The following BACH2 variants were observed in gnomAD, a reference collection of about 807,000 sequenced individuals.
BACH2 encodes BACH transcriptional regulator 2.
BACH2 carries 5 observed loss-of-function variants against 61.8 expected under a neutral mutation model. That is an observed-to-expected ratio of 0.08 (90% CI 0.04 to 0.17). BACH2 has a LOEUF of 0.17. BACH2 is among the 10% of genes least tolerant of loss of function. BACH2 has a pLI of 1.00. For missense variants in BACH2, 824 were observed against 1,091.1 expected (o/e 0.76, Z 3.45); for synonymous variants, 446 against 440.1 (o/e 1.01, Z -0.17).
intron 6 of BACH2, among the ~76,000 whole-genome samples, chr6:89,976,244 C>T (rs1048686616): frequency 5.9e-5 from 9 of 152,120 alleles, no homozygotes; most frequent in Admixed American, 2.0e-4. Flanking sequence ...TACGCAAGAG[C>T]GTGAAGCCGG....
At chr6:90,286,126 T>A (rs2127889334) in intron 1 of BACH2, among the ~76,000 whole-genome samples, 1 of 152,364 alleles carries the variant, frequency 6.6e-6, no homozygotes, top group East Asian at 1.9e-4. Flanking sequence ...CTGGTTTTAA[T>A]TTTAACTAGA....
chr6:90,164,785 G>A (rs946969307), intron 4 of BACH2, among the ~76,000 whole-genome samples: 12 of 152,106 alleles, frequency 7.9e-5, no homozygotes, highest in South Asian at 4.1e-4. Flanking sequence ...ACATAATCCA[G>A]CATATAAACA....
chr6:89,954,252 G>T (rs1251328801), intron 6 of BACH2, among the ~76,000 whole-genome samples: 2 of 151,940 alleles, frequency 1.3e-5, no homozygotes, highest in East Asian at 3.9e-4. Flanking sequence ...TATGGGAAAT[G>T]TAGGAAACTA....
chr6:89,957,287 A>G (rs755279720), intron 6 of BACH2, among the ~76,000 whole-genome samples: 4 of 152,348 alleles, frequency 2.6e-5, no homozygotes, highest in Middle Eastern at 3.4e-3. Context: ...TCATATCCAC[A>G]TTATCACATT....
intron 7 of BACH2, among the ~76,000 whole-genome samples, chr6:89,942,023 T>C (rs1179633762): frequency 7.2e-6 from 1 of 138,058 alleles, no homozygotes; most frequent in Non-Finnish European, 1.5e-5. Flanking sequence ...ATCTGCTTTT[T>C]AAAGAGGGTC....
intron 4 of BACH2, among the ~76,000 whole-genome samples, chr6:90,144,220 T>G (rs920499716): frequency 6.6e-6 from 1 of 152,208 alleles, no homozygotes; most frequent in Admixed American, 6.5e-5. Flanking sequence ...GAAAACCACA[T>G]CTGTTAATTG....
chr6:90,218,397 T>A (rs1253276937), intron 3 of BACH2, among the ~76,000 whole-genome samples: 3 of 152,124 alleles, frequency 2.0e-5, no homozygotes, highest in Non-Finnish European at 4.4e-5. Context: ...CATTCCTCAG[T>A]CTAGCTGCCT....
At chr6:90,136,467 A>T (rs549069264) in intron 4 of BACH2, among the ~76,000 whole-genome samples, 5 of 152,148 alleles carry the variant, frequency 3.3e-5, no homozygotes, top group African/African-American at 9.7e-5. Context: ...TTATTACCTC[A>T]TATGTTTATT....
intron 4 of BACH2, among the ~76,000 whole-genome samples, chr6:90,151,710 A>T (rs1784818476): frequency 6.6e-6 from 1 of 152,256 alleles, no homozygotes; most frequent in Non-Finnish European, 1.5e-5. Flanking sequence ...CATCTTGCAG[A>T]CACAGTGGAC....
chr6:90,084,036 C>G (rs1005227372), intron 5 of BACH2, among the ~76,000 whole-genome samples: 2 of 141,516 alleles, frequency 1.4e-5, no homozygotes, highest in African/African-American at 5.2e-5. Flanking sequence ...AAAACCAAAG[C>G]TATCTTGTTT....
chr6:89,975,894 A>G (rs528010229), intron 6 of BACH2, among the ~76,000 whole-genome samples: 4 of 152,370 alleles, frequency 2.6e-5, no homozygotes, highest in Admixed American at 6.5e-5. Context: ...TGCTTTCTTC[A>G]TAATACAGTC....
chr6:90,271,366 T>TAAAAAAAAAAAAAAAAAAAAAA (rs3073450), intron 2 of BACH2, among the ~76,000 whole-genome samples: 1 of 103,884 alleles, frequency 9.6e-6, no homozygotes, highest in African/African-American at 4.0e-5. Context: ...CAACCCCATT[T>TAAAAAAAAAAAAAAAAAAAAAA]AAAAAAAAAA....
Position 90,008,892 on chromosome 6 carries a change from AAAGGCTGAG to A in BACH2, c.-12-45_-12-37del. The A allele has an allele frequency of 6.2e-7, 1 of 1,603,282 alleles. No individual in the cohort carries two copies. The highest frequency in any genetic ancestry group is 8.5e-7 in the Non-Finnish European group (1 of 1,174,394). On this transcript the variant is annotated intron_variant, in intron 5 of 8. Coordinates refer to ENST00000257749, the MANE Select transcript of BACH2 (RefSeq NM_021813.4). The surrounding 1 kb of genome is among the most constrained non-coding windows in gnomAD (Gnocchi z 4.1). Reference sequence around the variant, plus strand: ...GAAAGAAACAAAGAAAGAAAGAAAGAAAGGCTGAGTCACCACAGCTGTAGGATCAGAGAG... The same window carrying A: ...GAAAGAAACAAAGAAAGAAAGAAAGATCACCACAGCTGTAGGATCAGAGAG...
intron 3 of BACH2, among the ~76,000 whole-genome samples, chr6:90,219,821 C>T (rs1008003909): frequency 3.3e-5 from 5 of 151,532 alleles, no homozygotes; most frequent in African/African-American, 9.7e-5. Flanking sequence ...CACACGCTCC[C>T]GAAGTTTGCC....
chr6:89,967,873 G>C (rs981322451), intron 6 of BACH2, among the ~76,000 whole-genome samples: 1 of 152,114 alleles, frequency 6.6e-6, no homozygotes, highest in Non-Finnish European at 1.5e-5. Context: ...AGGGAGGCTG[G>C]AGAGTCTCTG....
At chr6:90,292,775 A>G (rs597325) in intron 1 of BACH2, among the ~76,000 whole-genome samples, 104,544 of 152,200 alleles carry the variant, frequency 0.69, 37,577 homozygotes, top group African/African-American at 0.91. Context: ...CCAGGCCGAC[A>G]CTAGCTCTTA....
intron 4 of BACH2, chr6:90,116,794 C>A (rs901611222): frequency 4.1e-6 from 2 of 485,306 alleles, no homozygotes; most frequent in Admixed American, 3.0e-5. Context: ...CAGAATAGGT[C>A]CCTGGATACA....
rs527472647 is a variant in BACH2, at chr6:90,065,947, GAC to G, written c.-13+23012_-13+23013del. 8.5e-5 allele frequency among the ~76,000 whole-genome samples: 13 copies of G among 152,260 alleles called. 2 individuals are homozygous for G. In the East Asian group the frequency reaches 2.1e-3, roughly 25 times the overall value. On this transcript the variant is annotated intron_variant, in intron 5 of 8. Transcript: ENST00000257749. ...TTTATAAAAGGGAAAAATCAGTTTG[GAC>G]ACACAAAAAACTTGGGCAGCATTTC...
intron 4 of BACH2, among the ~76,000 whole-genome samples, chr6:90,163,562 T>C (rs1336539636): frequency 6.6e-6 from 1 of 152,150 alleles, no homozygotes; most frequent in Non-Finnish European, 1.5e-5. Flanking sequence ...TAGACTATTT[T>C]ATAAAATTAT....
Sources: gnomAD v4.1 joint callset for allele counts (sites outside exome capture counted in the v4.1 genomes callset) on GRCh38, gnomAD v4.1.1 for gene constraint, Gnocchi (gnomAD v3.1) non-coding constraint, MANE v1.5 for transcripts, NCBI Gene and HGNC (gene_info 2026-07-23, HGNC 2026-07-21) for gene names.